Variants in RAB36 observed in about 807,000 individuals in gnomAD.
RAB36 encodes the protein ras-related protein Rab-36.
Under a neutral mutation model 39.3 loss-of-function variants are expected in RAB36, and 33 were observed. The observed-to-expected ratio is 0.84, with a 90% CI of 0.64 to 1.12. RAB36 has a LOEUF of 1.12. RAB36 is among the 50% of genes most tolerant of loss of function. RAB36 has a pLI of 0.00. For synonymous variants in RAB36, 133 were observed against 140.2 expected, an observed-to-expected ratio of 0.95 and a Z score of 0.36; for missense variants, 308 against 355.3, an observed-to-expected ratio of 0.87 and a Z score of 1.07.
In RAB36 at chr22:23,163,848, T is replaced by TGGC. The variant is rs998095753; in HGVS notation, c.*2286_*2288dup. ...CTGGCAGCCTGCCTTCCTAGGGAGC[T>TGGC]GGCGCCAAGGCCTCTCCCTGATGGC... On this transcript the variant is annotated 3_prime_UTR_variant, in exon 11 of 11. Coordinates refer to ENST00000263116, the MANE Select transcript of RAB36 (RefSeq NM_004914.5). 6.6e-6 allele frequency: 1 copy of TGGC among 152,240 alleles called. No individual in the cohort carries two copies. Among genetic ancestry groups the TGGC allele is most frequent in the African/African-American group, 2.4e-5 (1 of 41,462 alleles). 9.4% of individuals were successfully genotyped at this position (152,240 alleles called of 1,614,324 possible).
At position 23,159,255 on chromosome 22, in the gene RAB36, T is replaced by G. The variant is rs769579021; in HGVS notation, c.619+2T>G. ...ACTGGTCAGTGTCGGCCAAGACTGG[T>G]GAGTGGGCCAGGGCTGTCACCATGG... On this transcript the variant is annotated splice_donor_variant, in intron 9 of 10. Coordinates refer to ENST00000263116, the MANE Select transcript of RAB36 (RefSeq NM_004914.5). LOFTEE classifies it high-confidence loss of function. 1.3e-6 allele frequency: 2 copies of G among 1,583,822 alleles called. No homozygotes were observed. Among genetic ancestry groups the G allele is most frequent in the African/African-American group, 1.3e-5 (1 of 74,254 alleles).
chr22:23,146,753 C>G (rs1014037179), intron 2 of RAB36, 68 bp downstream of exon 2: 1 of 1,577,366 alleles, frequency 6.3e-7, no homozygotes, highest in African/African-American at 1.4e-5. Context: ...CCACTCTACA[C>G]TCATGCCTAG....
chr22:23,160,015 G>A (rs953275736), intron 9 of RAB36, among the ~76,000 whole-genome samples: 1 of 152,368 alleles, frequency 6.6e-6, no homozygotes, highest in African/African-American at 2.4e-5. Flanking sequence ...AACACAGGTT[G>A]TTGGGGGATG....
chr22:23,157,884 G>C (rs1648200182), intron 6 of RAB36, 108 bp from the exon 7 acceptor site: 2 of 1,579,234 alleles, frequency 1.3e-6, no homozygotes, highest in African/African-American at 1.3e-5. Flanking sequence ...TGAGTGCCTG[G>C]TTGGGGGGCT....
Position 23,163,776 on chromosome 22 carries a change from G to C in RAB36, c.*2212G>C, listed in dbSNP as rs762547521. On this transcript the variant is annotated 3_prime_UTR_variant, in exon 11 of 11. Coordinates refer to ENST00000263116, the MANE Select transcript of RAB36 (RefSeq NM_004914.5). ...TTTGCCTGCACAGCTAGTGTTGATG[G>C]CTTGTTTGTTGTTTTCACCAGAGTG... 2.6e-5 allele frequency: 4 copies of C among 152,170 alleles called. No homozygotes were observed. The highest frequency in any genetic ancestry group is 5.9e-5 in the Non-Finnish European group (4 of 68,042). 9.4% of individuals were successfully genotyped at this position (152,170 alleles called of 1,614,324 possible). A position where few individuals can be genotyped will look rare whatever the true frequency, so the allele number is the denominator to read the frequency against.
downstream of RAB36, among the ~76,000 whole-genome samples, chr22:23,167,675 G>A (rs185820059): frequency 3.9e-5 from 6 of 152,112 alleles, no homozygotes; most frequent in East Asian, 1.9e-4. Context: ...AAATTGACAC[G>A]TTCACTCATT....
At chr22:23,158,243 C>T (rs2071572687) in intron 7 of RAB36, among the ~76,000 whole-genome samples, 200 bp downstream of exon 7, 1 of 152,184 alleles carries the variant, frequency 6.6e-6, no homozygotes, top group Admixed American at 6.5e-5. Flanking sequence ...CTGGAGGAGC[C>T]AGCACATGAG....
downstream of RAB36, among the ~76,000 whole-genome samples, chr22:23,169,068 C>CT (rs1187040094): frequency 6.6e-6 from 1 of 152,212 alleles, no homozygotes; most frequent in Non-Finnish European, 1.5e-5. Flanking sequence ...ATTCTCCTGA[C>CT]TGCAGGGACC....
In RAB36 at chr22:23,159,256, G is replaced by A. The variant is rs2071638731; in HGVS notation, c.619+3G>A. On this transcript the variant is annotated splice_donor_region_variant and intron_variant, in intron 9 of 10. Transcript: ENST00000263116. ...CTGGTCAGTGTCGGCCAAGACTGGT[G>A]AGTGGGCCAGGGCTGTCACCATGGT... 3 of 1,581,860 alleles carry A rather than the reference G, an allele frequency of 1.9e-6. No homozygotes were observed. The highest frequency in any genetic ancestry group is 1.8e-5 in the Admixed American group (1 of 55,416).
intron 9 of RAB36, 133 bp from the exon 10 acceptor site, chr22:23,160,746 T>C (rs993730279): frequency 7.9e-7 from 1 of 1,261,698 alleles, no homozygotes; most frequent in Non-Finnish European, 1.1e-6. Context: ...CCTGGGGTCA[T>C]TGTTACTGTC....
intron 2 of RAB36, among the ~76,000 whole-genome samples, chr22:23,149,795 A>G (rs904086975): frequency 6.6e-6 from 1 of 152,252 alleles, no homozygotes; most frequent in South Asian, 2.1e-4. Context: ...TGTCACATGC[A>G]TGCAGCAAGG....
chr22:23,145,458 CAGGTCCCGCGT>C, upstream of RAB36: 1 of 1,610,326 alleles, frequency 6.2e-7, no homozygotes, highest in Non-Finnish European at 8.5e-7. Flanking sequence ...GTGTAGCCCG[CAGGTCCCGCGT>C]GGCTCTCGTT....
At chr22:23,152,076 G>A (rs1344393408) in intron 3 of RAB36, among the ~76,000 whole-genome samples, 1 of 152,220 alleles carries the variant, frequency 6.6e-6, no homozygotes, top group East Asian at 1.9e-4. Context: ...TGGACCCTGT[G>A]TCTGCACCCT....
chr22:23,159,351 G>A (rs753822204), intron 9 of RAB36, 98 bp downstream of exon 9: 11 of 1,207,520 alleles, frequency 9.1e-6, no homozygotes, highest in South Asian at 6.0e-5. Flanking sequence ...GTAGCCAGTC[G>A]TCTGTTCCCT....
Position 23,152,535 on chromosome 22 carries a change from C to T in RAB36, c.227+9C>T, listed in dbSNP as rs987148104. On this transcript the variant is annotated intron_variant, in intron 4 of 10. Transcript: ENST00000263116. ...ACCAGCCTCATCCACAGGTACAAGG[C>T]TTCCTCTGCCCCTTTGGCCACCTCC... 3 of 1,613,842 alleles carry T rather than the reference C, an allele frequency of 1.9e-6. No individual in the cohort carries two copies. The highest frequency in any genetic ancestry group is 1.7e-5 in the Admixed American group (1 of 60,006).
At position 23,159,049 on chromosome 22, in the gene RAB36, G is replaced by A; in HGVS notation, c.528+70G>A. ...GCCTCCCCTTACAGCCCTCATTGGAGGAGCCATGGGGAGGGAGGGAGGCAG... is the reference window on the plus strand; with the variant it reads ...GCCTCCCCTTACAGCCCTCATTGGAAGAGCCATGGGGAGGGAGGGAGGCAG... On this transcript the variant is annotated intron_variant, in intron 8 of 10. Transcript: ENST00000263116. 5.7e-6 allele frequency: 9 copies of A among 1,586,142 alleles called. No homozygotes were observed. The South Asian group carries it at 8.9e-5, about 16-fold the overall frequency.
downstream of RAB36, among the ~76,000 whole-genome samples, chr22:23,168,498 A>G (rs1601969489): frequency 9.5e-6 from 1 of 105,614 alleles, no homozygotes; most frequent in South Asian, 3.0e-4. Flanking sequence ...GCTCCCCGCC[A>G]CACACACACA....
chr22:23,160,706 T>C (rs1312968302), intron 9 of RAB36, among the ~76,000 whole-genome samples, 173 bp from the exon 10 acceptor site: 2 of 152,138 alleles, frequency 1.3e-5, no homozygotes, highest in Non-Finnish European at 2.9e-5. Flanking sequence ...GGCACTGTGC[T>C]GCCTGTGTGA....
intron 9 of RAB36, 93 bp from the exon 10 acceptor site, chr22:23,160,786 C>T: frequency 6.5e-7 from 1 of 1,537,598 alleles, no homozygotes; most frequent in Non-Finnish European, 8.8e-7. Flanking sequence ...TACGTGCCAA[C>T]CTGAGGGTAG....
Sources: allele counts gnomAD v4.1 joint callset (sites outside exome capture counted in the v4.1 genomes callset), GRCh38; gene constraint gnomAD v4.1.1; transcripts MANE v1.5; gene names NCBI Gene and HGNC (gene_info 2026-07-23, HGNC 2026-07-21).